KLB: variants seen among roughly 807,000 people sequenced by gnomAD.
KLB encodes beta-klotho.
A neutral mutation model predicts 88.4 loss-of-function variants in KLB; 44 were observed. The observed-to-expected ratio is 0.50, with a 90% CI of 0.39 to 0.64. The LOEUF (loss-of-function observed/expected upper bound fraction) is 0.64, where lower values mean the gene tolerates loss of function less well. KLB is among the 30% of genes least tolerant of loss of function. The pLI, the probability that KLB is intolerant of heterozygous loss-of-function variation, is 0.00. For missense variants in KLB, 1,137 were observed against 1,304.8 expected, an observed-to-expected ratio of 0.87 and a Z score of 1.98; for synonymous variants, 548 against 513.4, an observed-to-expected ratio of 1.07 and a Z score of -0.91.
intron 1 of KLB, among the ~76,000 whole-genome samples, chr4:39,424,072 T>TTTTTG (rs1743144859): frequency 6.6e-6 from 1 of 151,650 alleles, no homozygotes; most frequent in African/African-American, 2.4e-5. Context: ...TTATTTTTTG[T>TTTTTG]TTTTGTTTTT....
At chr4:39,422,319 C>T (rs1046425703) in intron 1 of KLB, among the ~76,000 whole-genome samples, 1 of 152,124 alleles carries the variant, frequency 6.6e-6, no homozygotes, top group African/African-American at 2.4e-5. Flanking sequence ...TCAGCTTCTT[C>T]ATCTATAATA....
At chr4:39,424,861 T>C (rs538982959) in intron 1 of KLB, among the ~76,000 whole-genome samples, 31 of 152,150 alleles carry the variant, frequency 2.0e-4, no homozygotes, top group African/African-American at 6.0e-4. Flanking sequence ...ATTCCTGACC[T>C]CAAGTGATCC....
intron 2 of KLB, among the ~76,000 whole-genome samples, chr4:39,436,435 T>C (rs1346614171): frequency 6.6e-6 from 1 of 152,094 alleles, no homozygotes; most frequent in Admixed American, 6.6e-5. Context: ...AGAAAGGGTG[T>C]CCATTCCCCA....
At chr4:39,420,533 CT>C (rs1227139837) in intron 1 of KLB, among the ~76,000 whole-genome samples, 2 of 150,988 alleles carry the variant, frequency 1.3e-5, no homozygotes, top group Non-Finnish European at 1.5e-5. Flanking sequence ...CCCTTGACTT[CT>C]TTTTTTTTGA....
chr4:39,416,039 T>G (rs900254317), intron 1 of KLB, among the ~76,000 whole-genome samples: 5 of 151,982 alleles, frequency 3.3e-5, no homozygotes, highest in Non-Finnish European at 7.4e-5. Context: ...ATTTTCAATT[T>G]AAGGAAGATC....
At chr4:39,447,741 C>T (rs1743790966) in intron 4 of KLB, among the ~76,000 whole-genome samples, 1 of 152,186 alleles carries the variant, frequency 6.6e-6, no homozygotes, top group African/African-American at 2.4e-5. Flanking sequence ...CCAGGATAAA[C>T]AGTCACTATT....
At chr4:39,443,922 C>T (rs1156650273) in intron 3 of KLB, among the ~76,000 whole-genome samples, 2 of 151,724 alleles carry the variant, frequency 1.3e-5, no homozygotes, top group Non-Finnish European at 1.5e-5. Flanking sequence ...TTTGGGAGGC[C>T]GAGGTGGGTG....
intron 1 of KLB, among the ~76,000 whole-genome samples, chr4:39,432,480 C>T (rs1743385449): frequency 6.6e-6 from 1 of 152,164 alleles, no homozygotes; most frequent in South Asian, 2.1e-4. Flanking sequence ...GCTCCTTCAG[C>T]TGTGGCTGTG....
chr4:39,450,160 ACT>A lies in KLB; in HGVS notation c.*1477_*1478del, dbSNP rs1418962087. The A allele has an allele frequency of 3.9e-5, 6 of 152,304 alleles. No individual in the cohort carries two copies. In the East Asian group the frequency reaches 9.6e-4, roughly 24 times the overall value. 9.4% of individuals were successfully genotyped at this position (152,304 alleles called of 1,614,324 possible). A position where few individuals can be genotyped will look rare whatever the true frequency, so the allele number is the denominator to read the frequency against. On this transcript the variant is annotated 3_prime_UTR_variant, in exon 5 of 5. Coordinates refer to ENST00000257408, the MANE Select transcript of KLB (RefSeq NM_175737.4). ...GATAATTTGACACTTTGGGAAATGA[ACT>A]CTGTTCTTGAGACTTGTTCAGTGTA...
At position 39,444,249 on chromosome 4, in the gene KLB, C is replaced by T. The variant is rs533261764; in HGVS notation, c.1606-2083C>T. Among the ~76,000 whole-genome samples the T allele has an allele frequency of 7.9e-5, 12 of 152,186 alleles. No individual in the cohort carries two copies. In the South Asian group the frequency reaches 1.9e-3, roughly 24 times the overall value. ...AATTGCAAAATGGTAAATTTCTAAT[C>T]GGATTATTCCCTCCACATTTATTAG... On this transcript the variant is annotated intron_variant, in intron 3 of 4. Transcript: ENST00000257408.
intron 1 of KLB, among the ~76,000 whole-genome samples, chr4:39,432,290 A>G (rs540728095): frequency 3.4e-4 from 42 of 122,708 alleles, no homozygotes; most frequent in Admixed American, 7.9e-4. Context: ...TGTCTCAAAG[A>G]AAAAAAAAAC....
In KLB at chr4:39,407,207, C is replaced by T. The variant is rs771688346; in HGVS notation, c.258C>T (p.Phe86=). ...FLYDTFPKNF[F]WGIGTGALQV... is the part of the protein sequence containing the mutation. ...ATGACACTTTCCCTAAAAACTTTTT[C>T]TGGGGTATTGGGACTGGAGCATTGC... Residue 86 remains phenylalanine, a synonymous_variant, in exon 1 of 5, where the codon TTC becomes TTT. Transcript: ENST00000257408. 45 of 1,613,944 alleles carry T rather than the reference C, an allele frequency of 2.8e-5. No individual in the cohort carries two copies. Among genetic ancestry groups the T allele is most frequent in the South Asian group, 1.4e-4 (13 of 91,088 alleles).
At chr4:39,417,251 C>T (rs1462746762) in intron 1 of KLB, among the ~76,000 whole-genome samples, 1 of 151,830 alleles carries the variant, frequency 6.6e-6, no homozygotes, top group East Asian at 1.9e-4. Flanking sequence ...AACAACAAAA[C>T]CTATTACTTT....
chr4:39,439,109 C>A (rs1441185988), intron 3 of KLB, among the ~76,000 whole-genome samples: 1 of 151,062 alleles, frequency 6.6e-6, no homozygotes, highest in Admixed American at 6.6e-5. Context: ...CTCAAGTGAT[C>A]GTCCCACCTC....
intron 4 of KLB, 73 bp downstream of exon 4, chr4:39,447,548 C>A: frequency 1.5e-6 from 2 of 1,314,736 alleles, no homozygotes; most frequent in Non-Finnish European, 2.1e-6. Flanking sequence ...AGAATGGGAG[C>A]AGCAGGCTGG....
chr4:39,447,321 T>C lies in KLB; in HGVS notation c.2595T>C (p.Ile865=). 6.2e-7 allele frequency: 1 copy of C among 1,614,130 alleles called. No individual in the cohort carries two copies. Among genetic ancestry groups the C allele is most frequent in the East Asian group, 2.2e-5 (1 of 44,886 alleles). The change falls in exon 4 of 5, where the codon ATT becomes ATC. Residue 865 remains isoleucine, a synonymous_variant. Coordinates refer to ENST00000257408, the MANE Select transcript of KLB (RefSeq NM_175737.4). ...GCTCCCCCACGCGCCTGGCTGTGAT[T>C]CCCTGGGGGGTGCGCAAGCTGCTGC... ...RLSSPTRLAV[I]PWGVRKLLRW...
In KLB at chr4:39,446,548, C is replaced by T. The variant is rs1432645692; in HGVS notation, c.1822C>T (p.Pro608Ser). The T allele has an allele frequency of 6.2e-7, 1 of 1,614,120 alleles. No homozygotes were observed. The highest frequency in any genetic ancestry group is 8.5e-7 in the Non-Finnish European group (1 of 1,180,058). The change falls in exon 4 of 5, where the codon CCC becomes TCC. Residue 608 changes from proline (P) to serine (S), a missense_variant. Around this residue, in one of 4 missense-constraint regions of KLB, gnomAD observed 597 missense variants for 765.2 expected, o/e 0.78. Transcript: ENST00000257408. This position sits in a 1 kb window ranked among gnomAD's most constrained non-coding sequence, Gnocchi z 6.4. Reference protein sequence around the residue: ...RFALDWASVLPTGNLSAVNRQ... With the variant: ...RFALDWASVLSTGNLSAVNRQ... ...TGCTCTGGATTGGGCCTCGGTCCTT[C>T]CCACTGGCAACCTGTCCGCGGTGAA...
In KLB at chr4:39,414,304, G is replaced by GA. The variant is rs10582036; in HGVS notation, c.825+6544dup. On this transcript the variant is annotated intron_variant, in intron 1 of 4. Coordinates refer to ENST00000257408, the MANE Select transcript of KLB (RefSeq NM_175737.4). ...TAATGTACAGCCTATACTGTTTTTA[G>GA]AAAAAAAAAAAAAACAGTGCTTTTA... 1.7e-3 allele frequency among the ~76,000 whole-genome samples: 234 copies of GA among 137,698 alleles called. 1 individual carries two copies. The highest frequency in any genetic ancestry group is 8.3e-3 in the South Asian group (35 of 4,226). The allele number at this position is 137,698 out of a possible 152,430, so 90.3% of individuals were successfully genotyped here.
intron 1 of KLB, among the ~76,000 whole-genome samples, chr4:39,425,781 G>T (rs1247564689): frequency 2.0e-5 from 3 of 152,098 alleles, no homozygotes; most frequent in African/African-American, 7.2e-5. Context: ...AGAATAGGGA[G>T]AAATTCATTA....
Sources: gnomAD v4.1 joint callset for allele counts (sites outside exome capture counted in the v4.1 genomes callset) on GRCh38, gnomAD v4.1.1 for gene constraint, gnomAD v4.1.1 regional missense constraint, Gnocchi (gnomAD v3.1) non-coding constraint, MANE v1.5 for transcripts, NCBI Gene and HGNC (gene_info 2026-07-23, HGNC 2026-07-21) for gene names.